ENTPD7: variants seen among roughly 807,000 people sequenced by gnomAD.
The protein encoded by ENTPD7 is NTPDase 7.
A neutral mutation model predicts 77.9 loss-of-function variants in ENTPD7; 53 were observed. That is an observed-to-expected ratio of 0.68 (90% CI 0.55 to 0.85). The LOEUF is 0.85. Ranked by LOEUF, ENTPD7 falls within the 40% of genes least tolerant of loss-of-function variation. ENTPD7 has a pLI of 0.00. For synonymous variants in ENTPD7, 248 were observed against 274.9 expected (o/e 0.90, Z 0.97); for missense variants, 636 against 743.7 (o/e 0.86, Z 1.68).
At chr10:99,665,852 C>T (rs895015494) in intron 3 of ENTPD7, among the ~76,000 whole-genome samples, 2 of 152,086 alleles carry the variant, frequency 1.3e-5, no homozygotes, top group African/African-American at 4.8e-5. Flanking sequence ...ACTTTCTTTT[C>T]CTTTCCAGAA....
rs932874823 is a variant in ENTPD7 at position 99,709,955 on chromosome 10, T to C, written c.*5272T>C. 3 of 985,458 alleles carry C rather than the reference T, an allele frequency of 3.0e-6. No homozygotes were observed. In the African/African-American group the frequency reaches 5.2e-5, roughly 17 times the overall value. 61.0% of individuals were successfully genotyped at this position (985,458 alleles called of 1,614,324 possible). A position where few individuals can be genotyped will look rare whatever the true frequency, so the allele number is the denominator to read the frequency against. On this transcript the variant is annotated 3_prime_UTR_variant, in exon 13 of 13. Coordinates refer to ENST00000370489, the MANE Select transcript of ENTPD7 (RefSeq NM_020354.5). ...AATCATTACTCATACTACAAGGGCT[T>C]TCACTTTTAAAATGTAATCCATCAT...
chr10:99,695,876 C>A, intron 8 of ENTPD7, 80 bp from the exon 9 acceptor site: 1 of 1,332,210 alleles, frequency 7.5e-7, no homozygotes, highest in South Asian at 1.5e-5. Context: ...GAAATGAAGC[C>A]TCGTGTATTA....
At chr10:99,692,639 G>C (rs1490148388) in intron 8 of ENTPD7, among the ~76,000 whole-genome samples, 1 of 151,944 alleles carries the variant, frequency 6.6e-6, no homozygotes, top group East Asian at 1.9e-4. Context: ...TCCAGGGAAT[G>C]ACGAATAGCC....
In ENTPD7 at chr10:99,711,228, A is replaced by G; in HGVS notation, c.*6545A>G. On this transcript the variant is annotated 3_prime_UTR_variant, in exon 13 of 13. Coordinates refer to ENST00000370489, the MANE Select transcript of ENTPD7 (RefSeq NM_020354.5). ...TAATAAAAGAAAAATGAAGTAAAAC[A>G]TCTGAAACCTTAACTTACTCATGAG... 1 of 985,416 alleles carries G rather than the reference A, an allele frequency of 1.0e-6. No homozygotes were observed. The highest frequency in any genetic ancestry group is 1.2e-6 in the Non-Finnish European group (1 of 829,892). 61.0% of individuals were successfully genotyped at this position (985,416 alleles called of 1,614,324 possible).
chr10:99,690,887 G>T (rs1039587581), intron 7 of ENTPD7, among the ~76,000 whole-genome samples: 55 of 152,206 alleles, frequency 3.6e-4, no homozygotes, highest in African/African-American at 1.3e-3. Context: ...TTGTCCTTAG[G>T]CTATATCCTA....
intron 3 of ENTPD7, among the ~76,000 whole-genome samples, chr10:99,662,733 A>G (rs535460311): frequency 1.6e-4 from 24 of 152,348 alleles, no homozygotes; most frequent in African/African-American, 5.1e-4. Flanking sequence ...ATTTGCAGAC[A>G]GAAGCGTGGC....
chr10:99,667,332 T>C (rs2035562426), intron 3 of ENTPD7, among the ~76,000 whole-genome samples: 1 of 152,228 alleles, frequency 6.6e-6, no homozygotes. Flanking sequence ...GACTCTATGA[T>C]AGCACTGGAG....
chr10:99,678,807 T>A (rs7083107), intron 3 of ENTPD7, among the ~76,000 whole-genome samples: 130,053 of 145,880 alleles, frequency 0.89, 58,083 homozygotes, highest in African/African-American at 0.94. Flanking sequence ...TCCCAGAAAC[T>A]CATTAAATGA....
chr10:99,687,195 G>A (rs1448864202), intron 6 of ENTPD7, among the ~76,000 whole-genome samples: 14 of 148,974 alleles, frequency 9.4e-5, no homozygotes, highest in African/African-American at 7.4e-5. Context: ...GATAACAGGC[G>A]CAAGCCACTG....
Position 99,679,459 on chromosome 10 carries a change from C to T in ENTPD7, c.390C>T (p.Ile130=), listed in dbSNP as rs147379720. The T allele has an allele frequency of 4.3e-6, 7 of 1,612,240 alleles. No homozygotes were observed. In the African/African-American group the frequency reaches 8.0e-5, roughly 18 times the overall value. ...DRNSQPVVKK[I]KPGISAMADT... is the part of the protein sequence containing the mutation. ...ACAGCCAACCAGTGGTTAAAAAAAT[C>T]AAGCCAGGTACTAATCAGAATATAT... The change falls in exon 4 of 13, where the codon ATC becomes ATT. Residue 130 remains isoleucine (I), a synonymous_variant. Coordinates refer to ENST00000370489, the MANE Select transcript of ENTPD7 (RefSeq NM_020354.5).
Position 99,698,729 on chromosome 10 carries a change from C to CA in ENTPD7, c.1207dup (p.Ile403AsnfsTer7). 1 of 1,614,224 alleles carries CA rather than the reference C, an allele frequency of 6.2e-7. No individual in the cohort carries two copies. Among genetic ancestry groups the CA allele is most frequent in the South Asian group, 1.1e-5 (1 of 91,090 alleles). ...ACACCAGCCAGGCCTCACTCAATGGCATATATCAATCGCCTATTGACTTCA... is the reference window on the plus strand; with the variant it reads ...ACACCAGCCAGGCCTCACTCAATGGCAATATATCAATCGCCTATTGACTTCA... On this transcript the variant is annotated frameshift_variant, in exon 10 of 13. Transcript: ENST00000370489. LOFTEE classifies it high-confidence loss of function.
At chr10:99,700,433 TGTGTGTGTGTGTTTA>T (rs1180060489) in intron 10 of ENTPD7, among the ~76,000 whole-genome samples, 2 of 109,006 alleles carry the variant, frequency 1.8e-5, no homozygotes, top group African/African-American at 6.5e-5. Context: ...TGTGTGTGTG[TGTGTGTGTGTGTTTA>T]TTGTCTGTCT....
In ENTPD7 at chr10:99,710,394, A is replaced by G; in HGVS notation, c.*5711A>G. ...TGCCATGTACTCCCCCTTTATTTCTACCTTGATCAATGGCCTCTGCGGAGT... is the reference window on the plus strand; with the variant it reads ...TGCCATGTACTCCCCCTTTATTTCTGCCTTGATCAATGGCCTCTGCGGAGT... On this transcript the variant is annotated 3_prime_UTR_variant, in exon 13 of 13. Transcript: ENST00000370489. 8 of 985,148 alleles carry G rather than the reference A, an allele frequency of 8.1e-6. No individual in the cohort carries two copies. The highest frequency in any genetic ancestry group is 9.6e-6 in the Non-Finnish European group (8 of 829,878). The allele number at this position is 985,148 out of a possible 1,614,324, so 61.0% of individuals were successfully genotyped here. A position where few individuals can be genotyped will look rare whatever the true frequency, so the allele number is the denominator to read the frequency against.
At position 99,661,635 on chromosome 10, in the gene ENTPD7, C is replaced by T. The variant is rs929506891; in HGVS notation, c.191+7C>T. Reference sequence around the variant, plus strand: ...GAGATAGGCAATACGAAAGGTGAGTCAGCTTTAGATTTTGGCACTCAAGTC... The same window carrying T: ...GAGATAGGCAATACGAAAGGTGAGTTAGCTTTAGATTTTGGCACTCAAGTC... On this transcript the variant is annotated splice_region_variant and intron_variant, in intron 3 of 12. Coordinates refer to ENST00000370489, the MANE Select transcript of ENTPD7 (RefSeq NM_020354.5). 2 of 1,595,254 alleles carry T rather than the reference C, an allele frequency of 1.3e-6. No individual in the cohort carries two copies. Among genetic ancestry groups the T allele is most frequent in the African/African-American group, 2.7e-5 (2 of 73,916 alleles).
intron 6 of ENTPD7, among the ~76,000 whole-genome samples, chr10:99,688,112 C>T (rs1165315751): frequency 6.6e-6 from 1 of 152,144 alleles, no homozygotes; most frequent in Non-Finnish European, 1.5e-5. Context: ...TTTGGCATTC[C>T]TTTTTCTGTT....
At chr10:99,685,979 A>C in intron 6 of ENTPD7, 84 bp downstream of exon 6, 1 of 804,506 alleles carries the variant, frequency 1.2e-6, no homozygotes, top group Non-Finnish European at 2.0e-6. Flanking sequence ...GAATTATTCT[A>C]TATATCGGAT....
rs953782354 is a variant in ENTPD7, at chr10:99,708,188, C to G, written c.*3505C>G. ...CACCCCCTCCTCATCCTAAGAGATT[C>G]CTTTAACTTCAAGATCATATCCAGT... On this transcript the variant is annotated 3_prime_UTR_variant, in exon 13 of 13. Coordinates refer to ENST00000370489, the MANE Select transcript of ENTPD7 (RefSeq NM_020354.5). Among the ~76,000 whole-genome samples, 1 of 151,840 alleles carries G rather than the reference C, an allele frequency of 6.6e-6. No individual in the cohort carries two copies. The highest frequency in any genetic ancestry group is 2.4e-5 in the African/African-American group (1 of 41,334).
intron 3 of ENTPD7, among the ~76,000 whole-genome samples, chr10:99,674,525 A>C (rs2133452255): frequency 6.6e-6 from 1 of 152,238 alleles, no homozygotes; most frequent in South Asian, 2.1e-4. Context: ...TACTTTAGAT[A>C]CCTCATATAG....
At position 99,710,383 on chromosome 10, in the gene ENTPD7, C is replaced by G. The variant is rs2036342557; in HGVS notation, c.*5700C>G. ...CCTGAAGTACATGCCATGTACTCCC[C>G]CTTTATTTCTACCTTGATCAATGGC... On this transcript the variant is annotated 3_prime_UTR_variant, in exon 13 of 13. Coordinates refer to ENST00000370489, the MANE Select transcript of ENTPD7 (RefSeq NM_020354.5). 1.0e-6 allele frequency: 1 copy of G among 985,244 alleles called. No individual in the cohort carries two copies. The highest frequency in any genetic ancestry group is 1.1e-4 in the East Asian group (1 of 8,828). The allele number at this position is 985,244 out of a possible 1,614,324, so 61.0% of individuals were successfully genotyped here.
Sources: allele counts gnomAD v4.1 joint callset (sites outside exome capture counted in the v4.1 genomes callset), GRCh38; gene constraint gnomAD v4.1.1; transcripts MANE v1.5; gene names NCBI Gene and HGNC (gene_info 2026-07-23, HGNC 2026-07-21).